ARHGAP25: variants seen among roughly 807,000 people sequenced by gnomAD.
ARHGAP25 encodes the protein Rho GTPase activating protein 25.
Under a neutral mutation model 71.0 loss-of-function variants are expected in ARHGAP25, and 34 were observed. The ratio of observed to expected loss-of-function variants is 0.48; its 90% CI spans 0.36 to 0.64. The LOEUF (loss-of-function observed/expected upper bound fraction) is 0.64, where lower values mean the gene tolerates loss of function less well. ARHGAP25 is among the 30% of genes least tolerant of loss of function. ARHGAP25 has a pLI of 0.00. For missense variants in ARHGAP25, 706 were observed against 805.1 expected, an observed-to-expected ratio of 0.88 and a Z score of 1.49; for synonymous variants, 282 against 296.5, an observed-to-expected ratio of 0.95 and a Z score of 0.50.
intron 1 of ARHGAP25, 34 bp from the exon 2 acceptor site, chr2:68,775,187 C>T: frequency 6.2e-7 from 1 of 1,614,232 alleles, no homozygotes; most frequent in South Asian, 1.1e-5. Flanking sequence ...CCCCATGTCC[C>T]TCGGTCAGTC....
At chr2:68,734,466 G>A (rs531012901), upstream of ARHGAP25, among the ~76,000 whole-genome samples, 10 of 152,278 alleles carry the variant, frequency 6.6e-5, no homozygotes, top group East Asian at 1.9e-4. Context: ...GAGAGCTTGC[G>A]ACATGGTCCT....
exon 2 of ARHGAP25, chr2:68,710,646 C>T (rs1674458827): frequency 6.6e-6 from 1 of 152,194 alleles, no homozygotes; most frequent in Non-Finnish European, 1.5e-5. Flanking sequence ...TGGCTCTGGA[C>T]ACTGCTGGAA....
chr2:68,794,407 G>A (rs913925384), intron 4 of ARHGAP25, among the ~76,000 whole-genome samples: 1 of 152,142 alleles, frequency 6.6e-6, no homozygotes, highest in African/African-American at 2.4e-5. Flanking sequence ...CTGTGCATTT[G>A]TTGCATATGA....
chr2:68,729,765 A>G (rs1674970414), intron 2 of ARHGAP25, among the ~76,000 whole-genome samples: 1 of 152,194 alleles, frequency 6.6e-6, no homozygotes, highest in Non-Finnish European at 1.5e-5. Context: ...ATTGATACAT[A>G]ATTCACATAC....
At chr2:68,738,673 T>C (rs1675345414) in intron 1 of ARHGAP25, among the ~76,000 whole-genome samples, 1 of 151,896 alleles carries the variant, frequency 6.6e-6, no homozygotes, top group Non-Finnish European at 1.5e-5. Flanking sequence ...TACAAAAAAT[T>C]AGCTGGGCAT....
chr2:68,775,284 A>C lies in ARHGAP25; in HGVS notation c.125A>C (p.Asn42Thr). ...GCCTTCCATCCATCGTCCACCCCCA[A>C]CCCGCTGGAGAGGCCCATCAAGATG... Reference protein sequence around the residue: ...MAAFHPSSTPNPLERPIKMGW... With the variant: ...MAAFHPSSTPTPLERPIKMGW... The change falls in exon 2 of 11, where the codon AAC becomes ACC. Residue 42 changes from asparagine to threonine, a missense_variant. Transcript: ENST00000409202. The C allele has an allele frequency of 6.2e-7, 1 of 1,613,974 alleles. No individual in the cohort carries two copies.
At chr2:68,736,394 G>T (rs996939348) in intron 1 of ARHGAP25, among the ~76,000 whole-genome samples, 1 of 152,152 alleles carries the variant, frequency 6.6e-6, no homozygotes, top group African/African-American at 2.4e-5. Context: ...AAAAGCAAGA[G>T]ATTTTCCTCC....
At chr2:68,727,632 C>T (rs1410213259) in intron 2 of ARHGAP25, among the ~76,000 whole-genome samples, 1 of 152,258 alleles carries the variant, frequency 6.6e-6, no homozygotes, top group Non-Finnish European at 1.5e-5. Context: ...GTCTGTTCTT[C>T]ACTCTGACCC....
chr2:68,825,793 A>G (rs1443822977), intron 10 of ARHGAP25, among the ~76,000 whole-genome samples, 194 bp from the exon 11 acceptor site: 4 of 151,966 alleles, frequency 2.6e-5, no homozygotes, highest in African/African-American at 9.7e-5. Flanking sequence ...AAAATGACAA[A>G]TGAGGGGCTC....
chr2:68,746,864 T>G (rs1675858105), intron 1 of ARHGAP25, among the ~76,000 whole-genome samples: 1 of 151,696 alleles, frequency 6.6e-6, no homozygotes, highest in African/African-American at 2.4e-5. Context: ...AAAAATTAGC[T>G]GGGTGTAGTG....
At chr2:68,715,967 G>C (rs1159518206) in intron 2 of ARHGAP25, among the ~76,000 whole-genome samples, 1 of 152,176 alleles carries the variant, frequency 6.6e-6, no homozygotes, top group African/African-American at 2.4e-5. Context: ...GGTATTTTCA[G>C]TCGTTTTCAC....
chr2:68,819,148 G>A lies in ARHGAP25; in HGVS notation c.1029G>A (p.Met343Ile). ...GGACTCCTCAGATCCAAAGAGTGAT[G>A]ACTATGATGATCAGAGACCATGAAG... ...MRGTPQIQRV[M>I]TMMIRDHEVL... The change falls in exon 9 of 11, where the codon ATG becomes ATA. Residue 343 changes from methionine (M) to isoleucine (I), a missense_variant. Physicochemically the swap from Met to Ile is conservative, Grantham distance 10 (BLOSUM62 1). Transcript: ENST00000409202. 1 of 1,579,236 alleles carries A rather than the reference G, an allele frequency of 6.3e-7. No individual in the cohort carries two copies. Among genetic ancestry groups the A allele is most frequent in the East Asian group, 2.2e-5 (1 of 44,504 alleles).
chr2:68,775,119 C>G, intron 1 of ARHGAP25, 102 bp from the exon 2 acceptor site: 2 of 1,599,522 alleles, frequency 1.3e-6, no homozygotes, highest in Non-Finnish European at 8.5e-7. Context: ...TGTCGTCCCC[C>G]CGCTTCTCAG....
At chr2:68,732,860 C>T (rs2104271849), upstream of ARHGAP25, among the ~76,000 whole-genome samples, 1 of 152,336 alleles carries the variant, frequency 6.6e-6, no homozygotes. Context: ...CACCAGGTCA[C>T]CACTGTTCCT....
chr2:68,824,695 T>C (rs1229709400), intron 10 of ARHGAP25, among the ~76,000 whole-genome samples: 2 of 151,718 alleles, frequency 1.3e-5, no homozygotes, highest in African/African-American at 4.8e-5. Context: ...TGAGCCGAGA[T>C]CATGCCACTG....
At chr2:68,770,867 A>G (rs1677442079) in intron 1 of ARHGAP25, among the ~76,000 whole-genome samples, 1 of 151,978 alleles carries the variant, frequency 6.6e-6, no homozygotes, top group Non-Finnish European at 1.5e-5. Flanking sequence ...TGATTTCTCT[A>G]TTTGATAAAA....
At chr2:68,754,008 T>C (rs1378927067) in intron 1 of ARHGAP25, among the ~76,000 whole-genome samples, 1 of 151,684 alleles carries the variant, frequency 6.6e-6, no homozygotes, top group Non-Finnish European at 1.5e-5. Context: ...GTTCACGCCA[T>C]TCTCCTGCCT....
chr2:68,814,177 A>G (rs1427929796), intron 6 of ARHGAP25, among the ~76,000 whole-genome samples: 1 of 152,262 alleles, frequency 6.6e-6, no homozygotes, highest in Non-Finnish European at 1.5e-5. Context: ...CTCTGGCAAA[A>G]TGGTGCACAG....
chr2:68,779,945 G>A (rs1380746822), intron 2 of ARHGAP25, among the ~76,000 whole-genome samples: 1 of 152,254 alleles, frequency 6.6e-6, no homozygotes, highest in Non-Finnish European at 1.5e-5. Flanking sequence ...GTGTGAACAT[G>A]TTTAACTCTC....
Sources: allele counts gnomAD v4.1 joint callset (sites outside exome capture counted in the v4.1 genomes callset), GRCh38; gene constraint gnomAD v4.1.1; transcripts MANE v1.5; gene names NCBI Gene and HGNC (gene_info 2026-07-23, HGNC 2026-07-21).